DYNLRB1: variants seen among roughly 807,000 people sequenced by gnomAD.
DYNLRB1 encodes ROBL/LC7-like 1.
In DYNLRB1, 6 loss-of-function variants were observed where a neutral mutation model predicts 13.5. That is an observed-to-expected ratio of 0.44 (90% confidence interval 0.24 to 0.88). DYNLRB1 has a LOEUF of 0.88. Among genes scored for constraint, DYNLRB1 ranks in the 40% least tolerant of loss-of-function variants. DYNLRB1 has a pLI of 0.21. For missense variants in DYNLRB1, 93 were observed against 127.2 expected (o/e 0.73, Z 1.29); for synonymous variants, 43 against 45.0 (o/e 0.96, Z 0.18).
chr20:34,532,467 G>T (rs918169042), intron 2 of DYNLRB1, among the ~76,000 whole-genome samples: 4 of 152,190 alleles, frequency 2.6e-5, no homozygotes, highest in Non-Finnish European at 5.9e-5. Context: ...AGACTGACTT[G>T]CTGGGTGGCA....
rs1981004989 is a variant in DYNLRB1, at chr20:34,534,764, C to T, written c.216C>T (p.Arg72=). The T allele has an allele frequency of 6.2e-7, 1 of 1,614,118 alleles. No individual in the cohort carries two copies. The highest frequency in any genetic ancestry group is 1.1e-5 in the South Asian group (1 of 91,082). ...ACGATCTCACCTTCCTTCGAATTCG[C>T]TCCAAGAAAAATGAAATTATGGTTG... ...PQNDLTFLRI[R]SKKNEIMVAP... is the part of the protein sequence containing the mutation. The change falls in exon 3 of 4, where the codon CGC becomes CGT. Residue 72 remains arginine (R), a synonymous_variant. Transcript: ENST00000357156.
At chr20:34,537,696 A>T (rs1981256601) in intron 3 of DYNLRB1, among the ~76,000 whole-genome samples, 5 of 152,156 alleles carry the variant, frequency 3.3e-5, no homozygotes, top group Non-Finnish European at 7.4e-5. Context: ...TTGCCTCAGG[A>T]TGGCTACAGA....
chr20:34,527,827 G>C (rs879934737), intron 2 of DYNLRB1, among the ~76,000 whole-genome samples: 4 of 152,200 alleles, frequency 2.6e-5, no homozygotes, highest in Non-Finnish European at 5.9e-5. Context: ...CCCTTGGAGA[G>C]ACTGCCTCAG....
At position 34,537,716 on chromosome 20, in the gene DYNLRB1, C is replaced by T. The variant is rs999269198; in HGVS notation, c.248-2865C>T. 2.0e-5 allele frequency among the ~76,000 whole-genome samples: 3 copies of T among 152,280 alleles called. No homozygotes were observed. In the East Asian group the frequency reaches 5.8e-4, roughly 30 times the overall value. ...TCAGGATGGCTACAGAACACAGGAC[C>T]CAGGGGTGGCCACAGGCGTAGAGCA... On this transcript the variant is annotated intron_variant, in intron 3 of 3. Transcript: ENST00000357156.
chr20:34,516,767 G>A, intron 1 of DYNLRB1: 3 of 1,550,094 alleles, frequency 1.9e-6, no homozygotes, highest in Non-Finnish European at 2.6e-6. Flanking sequence ...TTGGGGCCTT[G>A]GTGCGCGATG....
intron 1 of DYNLRB1, among the ~76,000 whole-genome samples, chr20:34,517,753 C>T (rs1350523572): frequency 6.6e-6 from 1 of 151,826 alleles, no homozygotes; most frequent in Admixed American, 6.6e-5. Flanking sequence ...CTCAGCCTCC[C>T]GAGTAGCTGG....
chr20:34,535,048 C>A, intron 3 of DYNLRB1: 1 of 1,323,546 alleles, frequency 7.6e-7, no homozygotes, highest in Non-Finnish European at 9.7e-7. Flanking sequence ...ATGTGTGTCT[C>A]CCCTTCCTTG....
At chr20:34,516,510 G>T in intron 1 of DYNLRB1, 49 bp downstream of exon 1, 2 of 1,608,204 alleles carry the variant, frequency 1.2e-6, no homozygotes, top group Non-Finnish European at 1.7e-6. Flanking sequence ...ACCACCCCAC[G>T]CCAGGCCTTC....
chr20:34,539,142 T>C (rs6059905), intron 3 of DYNLRB1, among the ~76,000 whole-genome samples: 68,067 of 152,076 alleles, frequency 0.45, 15,821 homozygotes, highest in Non-Finnish European at 0.5. Flanking sequence ...GTAACATCAG[T>C]GTCTTTTACT....
At chr20:34,532,559 C>T (rs1980792974) in intron 2 of DYNLRB1, among the ~76,000 whole-genome samples, 1 of 152,168 alleles carries the variant, frequency 6.6e-6, no homozygotes, top group African/African-American at 2.4e-5. Flanking sequence ...CCTACCCCAT[C>T]GCCGCCCCAT....
chr20:34,516,095 A>T (rs2146604832), upstream of DYNLRB1, among the ~76,000 whole-genome samples: 1 of 152,176 alleles, frequency 6.6e-6, no homozygotes, highest in Admixed American at 6.5e-5. Context: ...GGGTCTCTCC[A>T]TGTTGCCCAG....
In DYNLRB1 at chr20:34,525,679, G is replaced by A. The variant is rs931130591; in HGVS notation, c.4-589G>A. ...ATGGCAGAATGAGGACCCGAACTGC[G>A]ACTGCCCCTCCACTTACAGATGCCA... On this transcript the variant is annotated intron_variant, in intron 1 of 3. Coordinates refer to ENST00000357156, the MANE Select transcript of DYNLRB1 (RefSeq NM_014183.4). Among the ~76,000 whole-genome samples the A allele has an allele frequency of 2.6e-5, 4 of 152,278 alleles. No homozygotes were observed. The South Asian group carries it at 6.2e-4, about 24-fold the overall frequency.
At chr20:34,520,207 A>G (rs1014393964) in intron 1 of DYNLRB1, among the ~76,000 whole-genome samples, 1 of 152,174 alleles carries the variant, frequency 6.6e-6, no homozygotes, top group Non-Finnish European at 1.5e-5. Flanking sequence ...AACTATTTTC[A>G]TCTTTGTATG....
intron 1 of DYNLRB1, among the ~76,000 whole-genome samples, chr20:34,521,136 C>T (rs1431517228): frequency 6.6e-6 from 1 of 152,158 alleles, no homozygotes; most frequent in African/African-American, 2.4e-5. Context: ...CCTCAGCCTC[C>T]TGAGTAGCTG....
chr20:34,526,806 C>A (rs1017794420), intron 2 of DYNLRB1, among the ~76,000 whole-genome samples: 1 of 152,188 alleles, frequency 6.6e-6, no homozygotes, highest in Non-Finnish European at 1.5e-5. Flanking sequence ...TTAAGTGCCA[C>A]GACAATGTTC....
chr20:34,528,003 A>G (rs778672360), intron 2 of DYNLRB1, among the ~76,000 whole-genome samples: 2 of 152,168 alleles, frequency 1.3e-5, no homozygotes, highest in African/African-American at 4.8e-5. Flanking sequence ...GGTTTGGCCA[A>G]TTTAAAAACT....
chr20:34,526,330 C>G lies in DYNLRB1; in HGVS notation c.66C>G (p.Val22=), dbSNP rs778656203. ...QSQKGVQGII[V]VNTEGIPIKS... Reference sequence around the variant, plus strand: ...AGAAGGGAGTGCAGGGAATCATCGTCGTGAACACAGAAGGTACGCCCTCCC... The same window carrying G: ...AGAAGGGAGTGCAGGGAATCATCGTGGTGAACACAGAAGGTACGCCCTCCC... The change falls in exon 2 of 4, where the codon GTC becomes GTG. Residue 22 remains valine, a synonymous_variant. Coordinates refer to ENST00000357156, the MANE Select transcript of DYNLRB1 (RefSeq NM_014183.4). 9 of 1,613,988 alleles carry G rather than the reference C, an allele frequency of 5.6e-6. No individual in the cohort carries two copies. The highest frequency in any genetic ancestry group is 1.1e-5 in the South Asian group (1 of 91,070).
upstream of DYNLRB1, chr20:34,516,409 C>G (rs1405723719): frequency 2.1e-5 from 34 of 1,608,902 alleles, no homozygotes; most frequent in Non-Finnish European, 2.9e-5. Flanking sequence ...CGCAGAAAGG[C>G]ACAGGACTCG....
chr20:34,529,381 C>T (rs1980519504), intron 2 of DYNLRB1, among the ~76,000 whole-genome samples: 1 of 152,186 alleles, frequency 6.6e-6, no homozygotes, highest in African/African-American at 2.4e-5. Context: ...CCTACTTAAG[C>T]AGAATGAAAG....
Sources: allele counts gnomAD v4.1 joint callset (sites outside exome capture counted in the v4.1 genomes callset), GRCh38; gene constraint gnomAD v4.1.1; transcripts MANE v1.5; gene names NCBI Gene and HGNC (gene_info 2026-07-23, HGNC 2026-07-21).